MIPEP: variants seen among roughly 807,000 people sequenced by gnomAD.
The protein encoded by MIPEP is mitochondrial intermediate peptidase.
In MIPEP, 79 loss-of-function variants were observed where a neutral mutation model predicts 90.3. The observed-to-expected ratio is 0.87, with a 90% CI of 0.73 to 1.05. The LOEUF is 1.05. Among genes scored for constraint, MIPEP ranks in the 50% least tolerant of loss-of-function variants. The pLI is 0.00. For synonymous variants in MIPEP, 334 were observed against 315.8 expected (o/e 1.06, Z -0.61); for missense variants, 940 against 905.6 (o/e 1.04, Z -0.49).
intron 10 of MIPEP, among the ~76,000 whole-genome samples, chr13:23,855,483 A>G (rs1345711308): frequency 6.6e-6 from 1 of 152,206 alleles, no homozygotes; most frequent in Admixed American, 6.5e-5. Context: ...CCCCTTCTAT[A>G]TTTCATTTTG....
intron 16 of MIPEP, among the ~76,000 whole-genome samples, chr13:23,769,752 C>T (rs142130877): frequency 4.6e-5 from 7 of 152,290 alleles, no homozygotes; most frequent in Admixed American, 2.0e-4. Context: ...ATGTCACATA[C>T]GGCTGCTATG....
At position 23,879,291 on chromosome 13, in the gene MIPEP, C is replaced by A. The variant is rs1429964093; in HGVS notation, c.516G>T (p.Val172=). ...ACCTTGTTTCTGGATCAAGGGAATC[C>A]ACAAGTTTTTTATCAGCTAGTAATT... ...LQKLLADKKL[V]DSLDPETRRV... The change falls in exon 4 of 19, where the codon GTG becomes GTT. Residue 172 remains valine, a synonymous_variant. Transcript: ENST00000382172. 1.2e-6 allele frequency: 2 copies of A among 1,605,032 alleles called. No individual in the cohort carries two copies. The highest frequency in any genetic ancestry group is 4.5e-5 in the East Asian group (2 of 44,804).
At chr13:23,786,831 T>TGGCCCAGCAGTACG (rs1322785079) in intron 16 of MIPEP, among the ~76,000 whole-genome samples, 1 of 152,202 alleles carries the variant, frequency 6.6e-6, no homozygotes, top group East Asian at 1.9e-4. Context: ...GCTTACCTTT[T>TGGCCCAGCAGTACG]GGCCCAGCAG....
At chr13:23,888,009 C>T (rs530407052) in intron 1 of MIPEP, 1 of 386,032 alleles carries the variant, frequency 2.6e-6, no homozygotes, top group East Asian at 7.5e-5. Flanking sequence ...TACCAGTGAC[C>T]ATAATGCTAA....
At chr13:23,837,794 T>C (rs1566012492) in intron 12 of MIPEP, 38 bp from the exon 13 acceptor site, 2 of 1,524,964 alleles carry the variant, frequency 1.3e-6, no homozygotes, top group Non-Finnish European at 1.8e-6. Flanking sequence ...AAAGAAAGTA[T>C]TTGGTAATGT....
Position 23,837,683 on chromosome 13 carries a change from A to AT in MIPEP, c.1411dup (p.Met471AsnfsTer18). On this transcript the variant is annotated frameshift_variant, in exon 13 of 19. Coordinates refer to ENST00000382172, the MANE Select transcript of MIPEP (RefSeq NM_005932.4). LOFTEE classifies it high-confidence loss of function. ...CCTTGAGGAACGGGGAAGATTCAGCATAAGAACTACAACTGGGAGTTGATA... is the reference window on the plus strand; with the variant it reads ...CCTTGAGGAACGGGGAAGATTCAGCATTAAGAACTACAACTGGGAGTTGATA... 1 of 1,614,208 alleles carries AT rather than the reference A, an allele frequency of 6.2e-7. No individual in the cohort carries two copies. The highest frequency in any genetic ancestry group is 8.5e-7 in the Non-Finnish European group (1 of 1,179,992).
At chr13:23,848,713 G>C (rs951200387) in intron 10 of MIPEP, among the ~76,000 whole-genome samples, 1 of 152,140 alleles carries the variant, frequency 6.6e-6, no homozygotes, top group Non-Finnish European at 1.5e-5. Context: ...GGCAGCAAAG[G>C]CCCAAGGGGA....
intron 18 of MIPEP, among the ~76,000 whole-genome samples, chr13:23,747,948 C>T (rs1471363175): frequency 6.6e-6 from 1 of 152,140 alleles, no homozygotes; most frequent in East Asian, 1.9e-4. Context: ...ACTATGTTGG[C>T]CAGGCTGGTC....
chr13:23,868,146 G>T (rs1342576382), intron 7 of MIPEP, among the ~76,000 whole-genome samples: 1 of 152,106 alleles, frequency 6.6e-6, no homozygotes, highest in African/African-American at 2.4e-5. Flanking sequence ...AGGGTTCGGG[G>T]ACAAAGGAGT....
At chr13:23,731,965 CTAATTT>C (rs1952210512) in intron 18 of MIPEP, among the ~76,000 whole-genome samples, 1 of 116,612 alleles carries the variant, frequency 8.6e-6, no homozygotes, top group Non-Finnish European at 1.7e-5. Context: ...ACCAGAATAG[CTAATTT>C]TTTTTTTTTT....
Position 23,801,626 on chromosome 13 carries a change from A to C in MIPEP, c.1848+4324T>G, listed in dbSNP as rs76832373. On this transcript the variant is annotated intron_variant, in intron 16 of 18. Transcript: ENST00000382172. Reference sequence around the variant, plus strand: ...CCTCACTTTTCTTTATAGTCTAATCACATATGTATTTATCTGACAATGTAC... The same window carrying C: ...CCTCACTTTTCTTTATAGTCTAATCCCATATGTATTTATCTGACAATGTAC... 2.1e-3 allele frequency among the ~76,000 whole-genome samples: 324 copies of C among 152,260 alleles called. 2 individuals carry two copies. Among genetic ancestry groups the C allele is most frequent in the African/African-American group, 7.0e-3 (291 of 41,554 alleles).
intron 18 of MIPEP, among the ~76,000 whole-genome samples, chr13:23,750,618 C>T (rs2138503704): frequency 6.6e-6 from 1 of 152,272 alleles, no homozygotes; most frequent in East Asian, 1.9e-4. Context: ...TGTCATTTCC[C>T]CCGCTGTCTC....
chr13:23,869,512 C>A, intron 6 of MIPEP, 64 bp from the exon 7 acceptor site: 1 of 1,410,668 alleles, frequency 7.1e-7, no homozygotes, highest in Non-Finnish European at 9.5e-7. Context: ...GCAACAATAA[C>A]ACAGGCTCAT....
chr13:23,807,861 A>C (rs955414024), intron 15 of MIPEP, among the ~76,000 whole-genome samples: 68 of 152,176 alleles, frequency 4.5e-4, no homozygotes, highest in Admixed American at 1.7e-3. Flanking sequence ...AACTTTTTTG[A>C]ATTATAAAAA....
intron 7 of MIPEP, among the ~76,000 whole-genome samples, chr13:23,867,307 T>A (rs1870586005): frequency 6.6e-6 from 1 of 152,164 alleles, no homozygotes; most frequent in Middle Eastern, 3.2e-3. Context: ...TTTTTCTGCC[T>A]CAAGACCTTA....
At chr13:23,747,859 G>A (rs1952400720) in intron 18 of MIPEP, among the ~76,000 whole-genome samples, 1 of 152,192 alleles carries the variant, frequency 6.6e-6, no homozygotes, top group Admixed American at 6.5e-5. Context: ...TCCTGCCTCA[G>A]ACTCCTGACT....
At chr13:23,750,107 T>C (rs531672684) in intron 18 of MIPEP, among the ~76,000 whole-genome samples, 1 of 152,314 alleles carries the variant, frequency 6.6e-6, no homozygotes, top group Admixed American at 6.5e-5. Flanking sequence ...AATTTCAGGA[T>C]AGTTTTATAT....
rs533878463 is a variant in MIPEP at position 23,836,237 on chromosome 13, T to C, written c.1653+3A>G. 5 of 1,566,846 alleles carry C rather than the reference T, an allele frequency of 3.2e-6. No individual in the cohort carries two copies. The highest frequency in any genetic ancestry group is 2.3e-5 in the East Asian group (1 of 43,786). Reference sequence around the variant, plus strand: ...GACAAGACGACAATATTACTGTTCCTACCTGTCCAGTCTGATAATGTCTGG... The same window carrying C: ...GACAAGACGACAATATTACTGTTCCCACCTGTCCAGTCTGATAATGTCTGG... On this transcript the variant is annotated splice_donor_region_variant and intron_variant, in intron 14 of 18. Transcript: ENST00000382172.
chr13:23,731,497 T>C (rs772570610), intron 18 of MIPEP, among the ~76,000 whole-genome samples: 7 of 152,072 alleles, frequency 4.6e-5, no homozygotes, highest in Non-Finnish European at 1.0e-4. Context: ...TAAAAACTAA[T>C]TTGAGATGGT....
Sources: allele counts gnomAD v4.1 joint callset (sites outside exome capture counted in the v4.1 genomes callset), GRCh38; gene constraint gnomAD v4.1.1; transcripts MANE v1.5; gene names NCBI Gene and HGNC (gene_info 2026-07-23, HGNC 2026-07-21).